The following ERO1B variants were observed in gnomAD, a reference collection of about 807,000 sequenced individuals.
The protein encoded by ERO1B is ERO1-like protein beta.
ERO1B carries 49 observed loss-of-function variants against 75.3 expected under a neutral mutation model. That is an observed-to-expected ratio of 0.65 (90% CI 0.52 to 0.83). ERO1B has a LOEUF of 0.83. Ranked by LOEUF, ERO1B falls within the 40% of genes least tolerant of loss-of-function variation. ERO1B has a pLI of 0.00. For synonymous variants in ERO1B, 191 were observed against 192.9 expected (o/e 0.99, Z 0.08); for missense variants, 512 against 560.1 (o/e 0.91, Z 0.87).
chr1:236,232,865 T>G (rs768237003), intron 8 of ERO1B, 26 bp from the exon 9 acceptor site: 2 of 1,581,320 alleles, frequency 1.3e-6, no homozygotes, highest in Non-Finnish European at 1.7e-6. Flanking sequence ...ATAGAAAAGA[T>G]TTTAGAAAAT....
Position 236,249,185 on chromosome 1 carries a change from C to T in ERO1B, c.431+700G>A, listed in dbSNP as rs894246939. On this transcript the variant is annotated intron_variant, in intron 5 of 15. Coordinates refer to ENST00000354619, the MANE Select transcript of ERO1B (RefSeq NM_019891.4). ...GGATTATAGGCACCCGCCACCACAC[C>T]CGGCTAATTTTTGTATTTTTAGTAG... Among the ~76,000 whole-genome samples the T allele has an allele frequency of 2.6e-5, 4 of 151,758 alleles. No individual in the cohort carries two copies. In the South Asian group the frequency reaches 8.3e-4, roughly 31 times the overall value.
At chr1:236,268,713 C>T (rs1254190) in intron 2 of ERO1B, among the ~76,000 whole-genome samples, 74,039 of 151,264 alleles carry the variant, frequency 0.49, 18,453 homozygotes, top group Middle Eastern at 0.61. Flanking sequence ...GGTGAAACCC[C>T]GTCTCTACTA....
intron 2 of ERO1B, among the ~76,000 whole-genome samples, chr1:236,264,119 T>C (rs1440527665): frequency 6.6e-6 from 1 of 152,184 alleles, no homozygotes; most frequent in African/African-American, 2.4e-5. Flanking sequence ...TTTCTTATTT[T>C]TGAGACAGAG....
rs183162979 is a variant in ERO1B, at chr1:236,248,602, T to C, written c.431+1283A>G. ...AAATCTGTGTTTCAACATGGACAGA[T>C]CTAGAAAGCAAAATGTACAATGAAA... is the stretch of plus-strand genomic sequence containing the variant. On this transcript the variant is annotated intron_variant, in intron 5 of 15. Transcript: ENST00000354619. Among the ~76,000 whole-genome samples, 6 of 152,192 alleles carry C rather than the reference T, an allele frequency of 3.9e-5. No individual in the cohort carries two copies. In the East Asian group the frequency reaches 1.2e-3, roughly 29 times the overall value.
intron 2 of ERO1B, among the ~76,000 whole-genome samples, chr1:236,259,463 T>C (rs980107527): frequency 6.6e-6 from 1 of 152,128 alleles, no homozygotes; most frequent in Non-Finnish European, 1.5e-5. Flanking sequence ...GCGAATGGAT[T>C]AAAAAATAAG....
At chr1:236,239,997 C>T (rs1252950632) in intron 6 of ERO1B, among the ~76,000 whole-genome samples, 7 of 148,328 alleles carry the variant, frequency 4.7e-5, no homozygotes, top group East Asian at 4.0e-4. Flanking sequence ...CTCTGCCTGT[C>T]GGGTTCAAGC....
rs140499370 is a variant in ERO1B, at chr1:236,256,340, G to A, written c.223-2835C>T. On this transcript the variant is annotated intron_variant, in intron 2 of 15. Coordinates refer to ENST00000354619, the MANE Select transcript of ERO1B (RefSeq NM_019891.4). ...AACTCCAGACCAAAAGGTTACTCCT[G>A]CAAGGTGCATGTGAGACTTCTTGCT... 5.7e-3 allele frequency among the ~76,000 whole-genome samples: 862 copies of A among 152,154 alleles called. 2 individuals carry two copies. Among genetic ancestry groups the A allele is most frequent in the Non-Finnish European group, 8.6e-3 (582 of 68,008 alleles).
intron 6 of ERO1B, among the ~76,000 whole-genome samples, chr1:236,237,361 T>G (rs1408940554): frequency 6.6e-6 from 1 of 152,102 alleles, no homozygotes; most frequent in Non-Finnish European, 1.5e-5. Context: ...GTGATCCACC[T>G]GCCTCGGCCT....
At chr1:236,266,146 C>A (rs1402657252) in intron 2 of ERO1B, among the ~76,000 whole-genome samples, 18 of 152,306 alleles carry the variant, frequency 1.2e-4, no homozygotes, top group Non-Finnish European at 2.2e-4. Flanking sequence ...TAGTACCTGA[C>A]ACAAACTAAT....
intron 6 of ERO1B, among the ~76,000 whole-genome samples, chr1:236,242,253 C>T (rs1664728274): frequency 6.6e-6 from 1 of 152,030 alleles, no homozygotes; most frequent in Non-Finnish European, 1.5e-5. Context: ...ATTATTTATA[C>T]TTTAATCAAA....
chr1:236,268,816 G>C (rs1276301871), intron 2 of ERO1B, among the ~76,000 whole-genome samples: 1 of 152,156 alleles, frequency 6.6e-6, no homozygotes, highest in Non-Finnish European at 1.5e-5. Flanking sequence ...AACCTGGGAA[G>C]TAGAGCTTGC....
chr1:236,250,121 A>G (rs1221610974), intron 4 of ERO1B, among the ~76,000 whole-genome samples, 154 bp from the exon 5 acceptor site: 2 of 152,214 alleles, frequency 1.3e-5, no homozygotes, highest in Non-Finnish European at 2.9e-5. Flanking sequence ...AATACAAATG[A>G]AAATGAGGCA....
At chr1:236,268,729 A>T (rs991133360) in intron 2 of ERO1B, among the ~76,000 whole-genome samples, 2 of 151,770 alleles carry the variant, frequency 1.3e-5, no homozygotes, top group Non-Finnish European at 2.9e-5. Context: ...TACTAAAAAT[A>T]CAAAATATTA....
At chr1:236,266,833 A>C (rs1665454060) in intron 2 of ERO1B, among the ~76,000 whole-genome samples, 1 of 152,108 alleles carries the variant, frequency 6.6e-6, no homozygotes, top group Non-Finnish European at 1.5e-5. Flanking sequence ...CATGGCATTA[A>C]CCCTCCTCTG....
chr1:236,218,674 C>T, intron 15 of ERO1B, 98 bp from the exon 16 acceptor site: 2 of 1,078,852 alleles, frequency 1.9e-6, no homozygotes, highest in Non-Finnish European at 2.4e-6. Context: ...GAAAGCAAAA[C>T]CTAAAATAAA....
chr1:236,227,947 G>A (rs185048815), intron 10 of ERO1B, among the ~76,000 whole-genome samples: 6 of 152,220 alleles, frequency 3.9e-5, no homozygotes, highest in African/African-American at 7.2e-5. Flanking sequence ...GAATGTTTAC[G>A]ATAACAATGG....
At position 236,221,947 on chromosome 1, in the gene ERO1B, ATT is replaced by A; in HGVS notation, c.1184_1185del (p.Lys395MetfsTer22). ...SRIMDCVGCD[K>X]CRLWGKLQTQ... ...ACCTGTAATTTTCCCCATAATCTGC[ATT>A]TGTCACATCCAACACAGTCCATTAT... On this transcript the variant is annotated frameshift_variant, in exon 14 of 16. Transcript: ENST00000354619. LOFTEE classifies it high-confidence loss of function. 2.5e-6 allele frequency: 4 copies of A among 1,613,658 alleles called. No individual in the cohort carries two copies. The highest frequency in any genetic ancestry group is 2.5e-6 in the Non-Finnish European group (3 of 1,179,678).
chr1:236,277,021 G>T (rs1296030596), intron 1 of ERO1B, among the ~76,000 whole-genome samples: 1 of 152,074 alleles, frequency 6.6e-6, no homozygotes, highest in Non-Finnish European at 1.5e-5. Context: ...CTGAGGCCTC[G>T]CCAGCCATGC....
chr1:236,225,037 C>T lies in ERO1B; in HGVS notation c.1122+33G>A, dbSNP rs369875063. Reference sequence around the variant, plus strand: ...ATTAAAGCATAACCAGCAAACTGCTCCCAACCCCGTGTCCCAATCGAGAAC... The same window carrying T: ...ATTAAAGCATAACCAGCAAACTGCTTCCAACCCCGTGTCCCAATCGAGAAC... On this transcript the variant is annotated intron_variant, in intron 13 of 15. Transcript: ENST00000354619. 1.9e-6 allele frequency: 3 copies of T among 1,602,910 alleles called. No individual in the cohort carries two copies. In the African/African-American group the frequency reaches 4.0e-5, roughly 21 times the overall value.
Sources: gnomAD v4.1 joint callset for allele counts (sites outside exome capture counted in the v4.1 genomes callset) on GRCh38, gnomAD v4.1.1 for gene constraint, MANE v1.5 for transcripts, NCBI Gene and HGNC (gene_info 2026-07-23, HGNC 2026-07-21) for gene names.